Variants in ADGRL3 observed in about 807,000 individuals in gnomAD.
ADGRL3 encodes the protein adhesion G protein-coupled receptor L3, also known as calcium-independent alpha-latrotoxin receptor 3.
A neutral mutation model predicts 153.5 loss-of-function variants in ADGRL3; 62 were observed. That is an observed-to-expected ratio of 0.40 (90% CI 0.33 to 0.50). The LOEUF (loss-of-function observed/expected upper bound fraction) is 0.50, where lower values mean the gene tolerates loss of function less well. Among genes scored for constraint, ADGRL3 ranks in the 20% least tolerant of loss-of-function variants. ADGRL3 has a pLI of 0.47. For synonymous variants in ADGRL3, 710 were observed against 672.5 expected, an observed-to-expected ratio of 1.06 and a Z score of -0.86; for missense variants, 1,641 against 1,859.4, an observed-to-expected ratio of 0.88 and a Z score of 2.16.
intron 3 of ADGRL3, among the ~76,000 whole-genome samples, chr4:61,505,898 A>G (rs1255280638): frequency 6.6e-6 from 1 of 152,098 alleles, no homozygotes; most frequent in Non-Finnish European, 1.5e-5. Flanking sequence ...TTAATGGTTA[A>G]TAAATGTTGA....
chr4:61,531,475 G>T (rs796804911), intron 4 of ADGRL3, among the ~76,000 whole-genome samples: 6 of 152,218 alleles, frequency 3.9e-5, no homozygotes, highest in African/African-American at 1.4e-4. Context: ...AGCCTTAGTG[G>T]CTTGATGTGG....
rs536264141 is a variant in ADGRL3 at position 61,633,040 on chromosome 4, A to G, written c.474-43786A>G. ...TATTACTTTATTTGGTCCTTGCAGA[A>G]CCCTGTGAAGATTATAGACATTATT... On this transcript the variant is annotated intron_variant, in intron 5 of 26. Transcript: ENST00000683033. Among the ~76,000 whole-genome samples, 4 of 152,292 alleles carry G rather than the reference A, an allele frequency of 2.6e-5. No homozygotes were observed. In the East Asian group the frequency reaches 7.7e-4, roughly 29 times the overall value.
chr4:61,686,420 A>C (rs1478951441), intron 6 of ADGRL3, among the ~76,000 whole-genome samples: 2 of 152,104 alleles, frequency 1.3e-5, no homozygotes, highest in Non-Finnish European at 2.9e-5. Flanking sequence ...CTTCTACTCC[A>C]ATCATGAATC....
At chr4:61,423,839 T>C (rs1248236863) in intron 2 of ADGRL3, among the ~76,000 whole-genome samples, 1 of 152,134 alleles carries the variant, frequency 6.6e-6, no homozygotes, top group Non-Finnish European at 1.5e-5. Flanking sequence ...TTAATGTGTG[T>C]ATATGGTAGC....
At chr4:61,439,128 A>G (rs895227242) in intron 2 of ADGRL3, among the ~76,000 whole-genome samples, 4 of 152,182 alleles carry the variant, frequency 2.6e-5, no homozygotes, top group African/African-American at 7.2e-5. Context: ...AAACATCATC[A>G]TGTTATAGTA....
At chr4:61,705,977 G>A (rs1580372934) in intron 6 of ADGRL3, among the ~76,000 whole-genome samples, 2 of 152,242 alleles carry the variant, frequency 1.3e-5, no homozygotes, top group East Asian at 3.9e-4. Flanking sequence ...AGGGCACTAG[G>A]ATTTTTAGAA....
At chr4:61,293,155 GACACCAAAGTCAA>G (rs1273846860) in intron 1 of ADGRL3, among the ~76,000 whole-genome samples, 3 of 152,116 alleles carry the variant, frequency 2.0e-5, no homozygotes, top group Non-Finnish European at 4.4e-5. Context: ...TGAAGTGGAA[GACACCAAAGTCAA>G]ACTCAAGTTC....
At chr4:61,879,231 A>C (rs2098494714) in intron 9 of ADGRL3, among the ~76,000 whole-genome samples, 1 of 152,178 alleles carries the variant, frequency 6.6e-6, no homozygotes, top group Admixed American at 6.5e-5. Context: ...AAATAAATAT[A>C]AGAATTCTGA....
At chr4:61,370,099 G>A (rs1400972817) in intron 1 of ADGRL3, among the ~76,000 whole-genome samples, 30 of 152,056 alleles carry the variant, frequency 2.0e-4, no homozygotes, top group Non-Finnish European at 2.9e-4. Flanking sequence ...TTTCTATTGC[G>A]TCTATTTGAT....
chr4:61,935,081 A>G, intron 14 of ADGRL3, 58 bp downstream of exon 14: 5 of 1,450,238 alleles, frequency 3.4e-6, no homozygotes, highest in Non-Finnish European at 4.8e-6. Flanking sequence ...GAAGAGGGAA[A>G]AGAAAAAAGT....
chr4:61,243,861 G>A (rs1391399340), intron 1 of ADGRL3, among the ~76,000 whole-genome samples: 3 of 151,980 alleles, frequency 2.0e-5, no homozygotes, highest in Admixed American at 6.6e-5. Context: ...TTATTTCATT[G>A]TGCAATCTAA....
At chr4:61,462,468 T>G in intron 2 of ADGRL3, among the ~76,000 whole-genome samples, 1 of 152,016 alleles carries the variant, frequency 6.6e-6, no homozygotes, top group East Asian at 1.9e-4. Context: ...AGACAATAGC[T>G]CCAGAATAGG....
At chr4:61,271,822 G>T (rs72634735) in intron 1 of ADGRL3, among the ~76,000 whole-genome samples, 2,401 of 151,982 alleles carry the variant, frequency 0.016, 30 homozygotes, top group Middle Eastern at 0.037. Context: ...AATAGTAAAA[G>T]GGTTTCCCTT....
At chr4:61,500,643 C>T (rs551214105) in intron 3 of ADGRL3, among the ~76,000 whole-genome samples, 1 of 152,238 alleles carries the variant, frequency 6.6e-6, no homozygotes, top group East Asian at 1.9e-4. Flanking sequence ...CCCTCTTGAC[C>T]ATTGGGAATT....
intron 5 of ADGRL3, among the ~76,000 whole-genome samples, chr4:61,654,763 G>A (rs2094392848): frequency 1.3e-5 from 2 of 151,924 alleles, no homozygotes; most frequent in Admixed American, 1.3e-4. Context: ...CGGGTGTGAT[G>A]GCAGGTGCCT....
intron 1 of ADGRL3, among the ~76,000 whole-genome samples, chr4:61,357,592 A>C (rs2096200227): frequency 6.6e-6 from 1 of 152,156 alleles, no homozygotes; most frequent in Admixed American, 6.5e-5. Flanking sequence ...TATTTTAAAG[A>C]GTATTTTACA....
chr4:61,332,097 C>A (rs35078913), intron 1 of ADGRL3, among the ~76,000 whole-genome samples: 10,753 of 152,096 alleles, frequency 0.071, 477 homozygotes, highest in South Asian at 0.12. Context: ...TGTAAGGAAA[C>A]TAGGAACAGG....
chr4:61,372,682 G>C (rs576421173), intron 1 of ADGRL3, among the ~76,000 whole-genome samples: 281 of 152,234 alleles, frequency 1.8e-3, no homozygotes, highest in African/African-American at 6.3e-3. Flanking sequence ...CTGTCTTTTT[G>C]TTTGTCTGTG....
intron 4 of ADGRL3, among the ~76,000 whole-genome samples, chr4:61,568,166 A>G (rs1267587250): frequency 6.6e-6 from 1 of 152,122 alleles, no homozygotes; most frequent in Non-Finnish European, 1.5e-5. Flanking sequence ...CTCTATCAGC[A>G]TATAATCTTA....
Sources: gnomAD v4.1 joint callset for allele counts (sites outside exome capture counted in the v4.1 genomes callset) on GRCh38, gnomAD v4.1.1 for gene constraint, MANE v1.5 for transcripts, NCBI Gene and HGNC (gene_info 2026-07-23, HGNC 2026-07-21) for gene names.